LYZL2: variants seen among roughly 807,000 people sequenced by gnomAD.
LYZL2 encodes lysozyme like 2.
A neutral mutation model predicts 17.1 loss-of-function variants in LYZL2; 13 were observed. That is an observed-to-expected ratio of 0.76 (90% CI 0.49 to 1.21). The LOEUF (loss-of-function observed/expected upper bound fraction) is 1.21, where lower values mean the gene tolerates loss of function less well. Ranked by LOEUF, LYZL2 falls within the 50% of genes most tolerant of loss-of-function variation. The probability of loss-of-function intolerance (pLI) is 0.00; values close to 1 mark genes in which losing one functional copy is unlikely to be tolerated. For synonymous variants in LYZL2, 63 were observed against 74.4 expected (o/e 0.85, Z 0.79); for missense variants, 166 against 189.2 (o/e 0.88, Z 0.72).
intron 1 of LYZL2, among the ~76,000 whole-genome samples, chr10:30,628,139 G>A (rs552958180): frequency 7.2e-5 from 11 of 151,878 alleles, no homozygotes; most frequent in Non-Finnish European, 1.5e-4. Context: ...CAGCCTGGGC[G>A]ACAGAGCGAG....
At chr10:30,620,932 G>C (rs1050464072) in intron 3 of LYZL2, among the ~76,000 whole-genome samples, 5 of 151,890 alleles carry the variant, frequency 3.3e-5, no homozygotes, top group Admixed American at 6.6e-5. Context: ...AATACAGGGA[G>C]GGAAAAATAC....
At chr10:30,628,604 C>T (rs1057388970) in intron 1 of LYZL2, among the ~76,000 whole-genome samples, 3 of 152,190 alleles carry the variant, frequency 2.0e-5, no homozygotes, top group Non-Finnish European at 4.4e-5. Context: ...TACTCGGGAT[C>T]CTGAACTTGA....
At chr10:30,607,401 G>A (rs569998804), downstream of LYZL2, among the ~76,000 whole-genome samples, 7 of 152,090 alleles carry the variant, frequency 4.6e-5, no homozygotes, top group Non-Finnish European at 5.9e-5. Context: ...GCAGCTTCGT[G>A]TAAGGAAACG....
chr10:30,616,806 G>T (rs1838534561), intron 3 of LYZL2, among the ~76,000 whole-genome samples: 1 of 152,158 alleles, frequency 6.6e-6, no homozygotes, highest in Non-Finnish European at 1.5e-5. Flanking sequence ...TCCAACAGAG[G>T]CCACTTAAGC....
intron 1 of LYZL2, among the ~76,000 whole-genome samples, chr10:30,627,266 A>G (rs1482749078): frequency 1.3e-5 from 2 of 152,214 alleles, no homozygotes; most frequent in African/African-American, 4.8e-5. Context: ...TATGAATGAA[A>G]AATAGAATAC....
chr10:30,615,501 A>G (rs1475858213), intron 3 of LYZL2, among the ~76,000 whole-genome samples: 1 of 152,060 alleles, frequency 6.6e-6, no homozygotes, highest in Non-Finnish European at 1.5e-5. Flanking sequence ...AAATTTGCTG[A>G]TAGTGGATCT....
At chr10:30,629,264 T>G (rs1474843970) in intron 1 of LYZL2, among the ~76,000 whole-genome samples, 1 of 152,042 alleles carries the variant, frequency 6.6e-6, no homozygotes, top group Non-Finnish European at 1.5e-5. Context: ...CATAGTGGTG[T>G]GTGACTGTGG....
intron 3 of LYZL2, 149 bp downstream of exon 3, chr10:30,625,956 A>G: frequency 8.0e-7 from 1 of 1,252,860 alleles, no homozygotes; most frequent in Non-Finnish European, 1.1e-6. Context: ...GTCACCTTGG[A>G]AACTGTTGCA....
At chr10:30,629,464 G>A (rs1838771161) in intron 1 of LYZL2, 129 bp downstream of exon 1, 2 of 823,310 alleles carry the variant, frequency 2.4e-6, no homozygotes, top group Non-Finnish European at 3.7e-6. Context: ...AATGTTAACT[G>A]ATCTCAAACA....
chr10:30,618,890 A>G (rs1321952489), intron 3 of LYZL2, among the ~76,000 whole-genome samples: 3 of 152,372 alleles, frequency 2.0e-5, no homozygotes, highest in Non-Finnish European at 4.4e-5. Context: ...TGAACAGGCA[A>G]CCTACAGAAT....
At chr10:30,624,165 T>C (rs1019667338) in intron 3 of LYZL2, among the ~76,000 whole-genome samples, 17 of 152,178 alleles carry the variant, frequency 1.1e-4, no homozygotes, top group African/African-American at 4.1e-4. Flanking sequence ...ATCCACTCTC[T>C]ACCCTTCTCC....
chr10:30,625,861 A>G (rs1838692917), intron 3 of LYZL2, among the ~76,000 whole-genome samples: 1 of 152,240 alleles, frequency 6.6e-6, no homozygotes, highest in South Asian at 2.1e-4. Flanking sequence ...TTGTTTGTCC[A>G]TCCCCCTGCT....
At chr10:30,620,090 T>G (rs1170556057) in intron 3 of LYZL2, among the ~76,000 whole-genome samples, 1 of 152,210 alleles carries the variant, frequency 6.6e-6, no homozygotes, top group African/African-American at 2.4e-5. Flanking sequence ...GAAGGATCGT[T>G]TAGAATTTCC....
rs116270960 is a variant in LYZL2, at chr10:30,626,778, G to A, written c.138C>T (p.Asn46=). ...LDNYWGFSLG[N]WICMAYYESG... Reference sequence around the variant, plus strand: ...AGAGCAGGAAAGAAATAATCTCACAGTTTCCAAGGCTGAAGCCCCAGTAAT... The same window carrying A: ...AGAGCAGGAAAGAAATAATCTCACAATTTCCAAGGCTGAAGCCCCAGTAAT... The change falls in exon 2 of 5, where the codon AAC becomes AAT. Residue 46 remains asparagine (N), a splice_region_variant and synonymous_variant. Coordinates refer to ENST00000647634, the MANE Select transcript of LYZL2 (RefSeq NM_183058.3). The A allele has an allele frequency of 9.9e-4, 1,594 of 1,614,214 alleles. 5 individuals carry two copies. The African/African-American group carries it at 0.019, about 19-fold the overall frequency.
At chr10:30,610,391 C>T (rs142079275), downstream of LYZL2, among the ~76,000 whole-genome samples, 15 of 152,170 alleles carry the variant, frequency 9.9e-5, no homozygotes, top group East Asian at 1.5e-3. Flanking sequence ...ATGTCCTTTG[C>T]GGGGACATGG....
At chr10:30,627,812 A>G (rs1838739790) in intron 1 of LYZL2, among the ~76,000 whole-genome samples, 1 of 152,116 alleles carries the variant, frequency 6.6e-6, no homozygotes, top group Non-Finnish European at 1.5e-5. Flanking sequence ...AGAAACAGAC[A>G]CCCCATTTCA....
At chr10:30,613,220 C>T (rs569653726) in intron 3 of LYZL2, among the ~76,000 whole-genome samples, 11 of 152,244 alleles carry the variant, frequency 7.2e-5, no homozygotes, top group Middle Eastern at 3.4e-3. Flanking sequence ...AGGCACAGGC[C>T]GGGCGTGGTG....
At chr10:30,607,165 G>C (rs1397516796), downstream of LYZL2, among the ~76,000 whole-genome samples, 1 of 137,144 alleles carries the variant, frequency 7.3e-6, no homozygotes, top group Non-Finnish European at 1.7e-5. Flanking sequence ...ACCCGCCTTG[G>C]CCTCCCAAAG....
downstream of LYZL2, chr10:30,611,707 AAAG>A (rs1838445832): frequency 2.5e-6 from 1 of 402,614 alleles, no homozygotes; most frequent in Non-Finnish European, 3.9e-6. Flanking sequence ...AAAGAAAAAG[AAAG>A]AAAGAAAGAA....
Sources: allele counts gnomAD v4.1 joint callset (sites outside exome capture counted in the v4.1 genomes callset), GRCh38; gene constraint gnomAD v4.1.1; transcripts MANE v1.5; gene names NCBI Gene and HGNC (gene_info 2026-07-23, HGNC 2026-07-21).